Variants in AASDHPPT observed in about 807,000 individuals in gnomAD.
AASDHPPT encodes the protein L-aminoadipate-semialdehyde dehydrogenase-phosphopantetheinyl transferase.
A neutral mutation model predicts 36.4 loss-of-function variants in AASDHPPT; 23 were observed. That is an observed-to-expected ratio of 0.63 (90% CI 0.45 to 0.89). AASDHPPT has a LOEUF of 0.89. Ranked by LOEUF, AASDHPPT falls within the 40% of genes least tolerant of loss-of-function variation. The pLI, the probability that AASDHPPT is intolerant of heterozygous loss-of-function variation, is 0.00. For synonymous variants in AASDHPPT, 115 were observed against 128.0 expected, an observed-to-expected ratio of 0.90 and a Z score of 0.68; for missense variants, 377 against 378.2, an observed-to-expected ratio of 1.00 and a Z score of 0.03.
rs1286428407 is a variant in AASDHPPT at position 106,090,559 on chromosome 11, C to T, written c.412C>T (p.Arg138Cys). ...ATTTTTTATTTCTTAATTGGCAGGT[C>T]GTGGTTCAATTCCAGAATTCTTTCA... ...IDIMKTSFPG[R>C]GSIPEFFHIM... is the part of the protein sequence containing the mutation. Residue 138 changes from arginine to cysteine, a missense_variant and splice_region_variant, in exon 3 of 6, where the codon CGT becomes TGT. Coordinates refer to ENST00000278618, the MANE Select transcript of AASDHPPT (RefSeq NM_015423.3). 5 of 1,573,214 alleles carry T rather than the reference C, an allele frequency of 3.2e-6. No homozygotes were observed. Among genetic ancestry groups the T allele is most frequent in the Admixed American group, 2.0e-5 (1 of 48,900 alleles).
rs563795144 is a variant in AASDHPPT, at chr11:106,086,712, T to C, written c.410-3845T>C. Among the ~76,000 whole-genome samples the C allele has an allele frequency of 2.0e-5, 3 of 152,272 alleles. No homozygotes were observed. The South Asian group carries it at 6.2e-4, about 32-fold the overall frequency. On this transcript the variant is annotated intron_variant, in intron 2 of 5. Coordinates refer to ENST00000278618, the MANE Select transcript of AASDHPPT (RefSeq NM_015423.3). ...CTCAATCATCTAAATCAGCTATGTG[T>C]GAAACTGGAGTATGATCCTTCTTGG...
At chr11:106,093,668 G>A (rs752322120) in intron 4 of AASDHPPT, 4 of 152,094 alleles carry the variant, frequency 2.6e-5, no homozygotes, top group Admixed American at 2.0e-4. Flanking sequence ...TTCTTCTGAC[G>A]TTTTATGGAA....
chr11:106,079,132 A>G (rs1861102414), intron 1 of AASDHPPT, among the ~76,000 whole-genome samples: 1 of 152,244 alleles, frequency 6.6e-6, no homozygotes, highest in African/African-American at 2.4e-5. Flanking sequence ...TATATGTGGT[A>G]GAATACTGCA....
At chr11:106,091,688 C>T (rs768643573) in intron 4 of AASDHPPT, 21 of 424,600 alleles carry the variant, frequency 4.9e-5, no homozygotes, top group African/African-American at 2.5e-4. Flanking sequence ...GAGTTCAGTA[C>T]GGGAAAGGAA....
intron 5 of AASDHPPT, 120 bp from the exon 6 acceptor site, chr11:106,096,623 C>G: frequency 1.4e-6 from 1 of 690,896 alleles, no homozygotes; most frequent in Non-Finnish European, 2.2e-6. Flanking sequence ...TCTAGGAATC[C>G]TATGTTGTCA....
chr11:106,079,828 T>C (rs1285690363), intron 2 of AASDHPPT, 136 bp downstream of exon 2: 5 of 688,430 alleles, frequency 7.3e-6, no homozygotes, highest in East Asian at 2.7e-5. Flanking sequence ...ACAAAGGTAA[T>C]GGAGAGCATA....
chr11:106,096,582 G>T, intron 5 of AASDHPPT, 161 bp from the exon 6 acceptor site: 3 of 498,012 alleles, frequency 6.0e-6, no homozygotes, highest in South Asian at 6.4e-5. Flanking sequence ...TGTTGTATTG[G>T]CAACACTAAT....
At chr11:106,087,847 T>G (rs1194579730) in intron 2 of AASDHPPT, among the ~76,000 whole-genome samples, 2 of 152,194 alleles carry the variant, frequency 1.3e-5, no homozygotes, top group African/African-American at 4.8e-5. Flanking sequence ...TGATTCTCTG[T>G]GTATGTAATG....
rs373046583 is a variant in AASDHPPT, at chr11:106,096,778, G to A, written c.801G>A (p.Arg267=). ...PSQDDSKPTQ[R]QFTILNFNDL... is the part of the protein sequence containing the mutation. ...AGGATGATTCCAAACCAACCCAGAG[G>A]CAATTTACTATTCTCAACTTTAATG... The change falls in exon 6 of 6, where the codon AGG becomes AGA. Residue 267 remains arginine (R), a synonymous_variant. Coordinates refer to ENST00000278618, the MANE Select transcript of AASDHPPT (RefSeq NM_015423.3). 7.8e-5 allele frequency: 125 copies of A among 1,606,412 alleles called. No individual in the cohort carries two copies. The highest frequency in any genetic ancestry group is 9.7e-5 in the Non-Finnish European group (114 of 1,177,380).
In AASDHPPT at chr11:106,090,435, A is replaced by G. The variant is rs549843780; in HGVS notation, c.410-122A>G. On this transcript the variant is annotated intron_variant, in intron 2 of 5. Transcript: ENST00000278618. Reference sequence around the variant, plus strand: ...TTTTGTTTAGGATTATTTTAAATGTATTCAAAAGTATGGTTGCCCTTTAGA... The same window carrying G: ...TTTTGTTTAGGATTATTTTAAATGTGTTCAAAAGTATGGTTGCCCTTTAGA... 3.3e-5 allele frequency: 24 copies of G among 724,296 alleles called. No homozygotes were observed. In the Admixed American group the frequency reaches 3.6e-4, roughly 11 times the overall value. The allele number at this position is 724,296 out of a possible 1,614,324, so 44.9% of individuals were successfully genotyped here.
rs140657313 is a variant in AASDHPPT at position 106,098,480 on chromosome 11, A to G, written c.*1573A>G. ...CTAACATTAAAAGTGTGCAAATTGT[A>G]TAAAATTAGGTACTTCGATTAGTAA... On this transcript the variant is annotated 3_prime_UTR_variant, in exon 6 of 6. Transcript: ENST00000278618. 4.6e-5 allele frequency: 7 copies of G among 152,068 alleles called. No individual in the cohort carries two copies. The East Asian group carries it at 1.4e-3, about 29-fold the overall frequency. The allele number at this position is 152,068 out of a possible 1,614,324, so 9.4% of individuals were successfully genotyped here. A position where few individuals can be genotyped will look rare whatever the true frequency, so the allele number is the denominator to read the frequency against.
At chr11:106,088,743 A>G (rs1861224613) in intron 2 of AASDHPPT, among the ~76,000 whole-genome samples, 1 of 152,094 alleles carries the variant, frequency 6.6e-6, no homozygotes, top group South Asian at 2.1e-4. Context: ...AGTAAACACC[A>G]GACAACAAAG....
At chr11:106,093,831 G>C (rs1035416838) in intron 4 of AASDHPPT, 1 of 151,956 alleles carries the variant, frequency 6.6e-6, no homozygotes, top group African/African-American at 2.4e-5. Context: ...TTGCATATTG[G>C]TTATGTTTTA....
intron 2 of AASDHPPT, among the ~76,000 whole-genome samples, chr11:106,089,766 A>G (rs913820230): frequency 1.3e-5 from 2 of 152,008 alleles, no homozygotes; most frequent in African/African-American, 4.8e-5. Context: ...TTTAACATGT[A>G]TCTTACCCCT....
chr11:106,090,473 G>T (rs1476149139), intron 2 of AASDHPPT, 84 bp from the exon 3 acceptor site: 15 of 1,064,960 alleles, frequency 1.4e-5, no homozygotes, highest in Non-Finnish European at 2.0e-5. Context: ...TTTGGGGGGT[G>T]CTGTCTTGAA....
At chr11:106,085,263 G>A (rs1165457886) in intron 2 of AASDHPPT, among the ~76,000 whole-genome samples, 2 of 151,926 alleles carry the variant, frequency 1.3e-5, no homozygotes, top group African/African-American at 2.4e-5. Flanking sequence ...CACGACGCCC[G>A]GCTAATTTTT....
intron 2 of AASDHPPT, among the ~76,000 whole-genome samples, chr11:106,079,970 C>G (rs928878926): frequency 2.0e-5 from 3 of 152,110 alleles, no homozygotes; most frequent in African/African-American, 7.2e-5. Context: ...TTGAATTATA[C>G]TTCAATTTAT....
chr11:106,079,519 G>A lies in AASDHPPT; in HGVS notation c.236G>A (p.Trp79Ter). 6.2e-7 allele frequency: 1 copy of A among 1,613,984 alleles called. No homozygotes were observed. Among genetic ancestry groups the A allele is most frequent in the Non-Finnish European group, 8.5e-7 (1 of 1,179,962 alleles). Residue 79 changes from tryptophan to a stop codon, truncating the protein, a stop_gained, in exon 2 of 6, where the codon TGG (tryptophan) becomes TAG (stop). Transcript: ENST00000278618. LOFTEE classifies it high-confidence loss of function. ...KLVAEKLNIPWNHIRLQRTAK... is the reference protein window; with the variant it reads ...KLVAEKLNIP Reference sequence around the variant, plus strand: ...GTTGCAGAGAAATTGAATATCCCTTGGAATCATATTCGTTTGCAAAGAACT... The same window carrying A: ...GTTGCAGAGAAATTGAATATCCCTTAGAATCATATTCGTTTGCAAAGAACT...
At chr11:106,078,021 G>A (rs1193718864) in intron 1 of AASDHPPT, 128 bp downstream of exon 1, 4 of 1,220,628 alleles carry the variant, frequency 3.3e-6, no homozygotes, top group South Asian at 1.6e-5. Context: ...TGGCCGGCCC[G>A]GGCGACAGCA....
Sources: gnomAD v4.1 joint callset for allele counts (sites outside exome capture counted in the v4.1 genomes callset) on GRCh38, gnomAD v4.1.1 for gene constraint, MANE v1.5 for transcripts, NCBI Gene and HGNC (gene_info 2026-07-23, HGNC 2026-07-21) for gene names.